Variants in PTPRD observed in about 807,000 individuals in gnomAD.
PTPRD encodes receptor-type tyrosine-protein phosphatase delta.
A neutral mutation model predicts 214.5 loss-of-function variants in PTPRD; 34 were observed. That is an observed-to-expected ratio of 0.16 (90% CI 0.12 to 0.21). The LOEUF (loss-of-function observed/expected upper bound fraction) is 0.21, where lower values mean the gene tolerates loss of function less well. PTPRD is among the 10% of genes least tolerant of loss of function. The pLI is 1.00. For missense variants in PTPRD, 2,545 were observed against 2,398.7 expected (o/e 1.06, Z -1.27); for synonymous variants, 1,128 against 845.7 (o/e 1.33, Z -5.79).
At chr9:8,534,167 C>T (rs2076360649) in intron 14 of PTPRD, among the ~76,000 whole-genome samples, 1 of 151,918 alleles carries the variant, frequency 6.6e-6, no homozygotes, top group African/African-American at 2.4e-5. Flanking sequence ...ACAATTTAGT[C>T]CTTGCTTCCT....
chr9:10,075,692 A>G (rs1174854645), intron 3 of PTPRD, among the ~76,000 whole-genome samples: 1 of 151,380 alleles, frequency 6.6e-6, no homozygotes, highest in Non-Finnish European at 1.5e-5. Flanking sequence ...GGGGAGGGGG[A>G]AAATTGGTTG....
At chr9:9,460,092 G>A (rs1324649549) in intron 8 of PTPRD, among the ~76,000 whole-genome samples, 1 of 151,940 alleles carries the variant, frequency 6.6e-6, no homozygotes, top group African/African-American at 2.4e-5. Context: ...TGAACAATGG[G>A]GAAAGGACAT....
intron 14 of PTPRD, among the ~76,000 whole-genome samples, chr9:8,599,322 A>G (rs1367500519): frequency 2.0e-5 from 3 of 152,156 alleles, no homozygotes; most frequent in South Asian, 4.1e-4. Flanking sequence ...GACTAAAACA[A>G]AAAGTAAAAA....
At chr9:8,729,762 C>T (rs982530611) in intron 12 of PTPRD, among the ~76,000 whole-genome samples, 1 of 152,238 alleles carries the variant, frequency 6.6e-6, no homozygotes, top group Non-Finnish European at 1.5e-5. Flanking sequence ...CAAAACCAGA[C>T]TATGGCTTCA....
At chr9:9,444,907 T>G (rs1420068148) in intron 8 of PTPRD, among the ~76,000 whole-genome samples, 3 of 152,214 alleles carry the variant, frequency 2.0e-5, no homozygotes, top group African/African-American at 7.2e-5. Flanking sequence ...CCCTACTTTC[T>G]GACCTATTTT....
chr9:9,833,338 GC>G (rs1260139633), intron 5 of PTPRD, among the ~76,000 whole-genome samples: 1 of 151,944 alleles, frequency 6.6e-6, no homozygotes, highest in Non-Finnish European at 1.5e-5. Flanking sequence ...ACAAAAACCA[GC>G]AAGTTTTTAT....
At chr9:10,039,363 C>T (rs1020975380) in intron 3 of PTPRD, among the ~76,000 whole-genome samples, 6 of 151,880 alleles carry the variant, frequency 4.0e-5, no homozygotes, top group Non-Finnish European at 7.4e-5. Flanking sequence ...TATTTGAATG[C>T]TATGTCAAAA....
At chr9:8,713,296 C>G (rs2098384033) in intron 12 of PTPRD, 2 of 716,260 alleles carry the variant, frequency 2.8e-6, no homozygotes, top group African/African-American at 1.7e-5. Context: ...TGGCGGCGAG[C>G]GCGGAGAGGA....
intron 2 of PTPRD, among the ~76,000 whole-genome samples, chr9:10,609,734 A>T (rs961332150): frequency 6.6e-5 from 10 of 152,112 alleles, no homozygotes; most frequent in Non-Finnish European, 1.3e-4. Context: ...CCAATATCAC[A>T]TCTAATTAGC....
chr9:8,361,927 G>C, intron 39 of PTPRD, among the ~76,000 whole-genome samples: 1 of 152,222 alleles, frequency 6.6e-6, no homozygotes, highest in East Asian at 1.9e-4. Flanking sequence ...TCTTCCAATA[G>C]CTAGGACTGG....
intron 7 of PTPRD, among the ~76,000 whole-genome samples, chr9:9,585,819 G>T (rs1209888118): frequency 6.6e-6 from 1 of 151,978 alleles, no homozygotes; most frequent in African/African-American, 2.4e-5. Flanking sequence ...GAGACTCAAA[G>T]GTAGGTAGGG....
chr9:8,999,229 G>T lies in PTPRD; in HGVS notation c.-104+19468C>A, dbSNP rs191628820. Among the ~76,000 whole-genome samples the T allele has an allele frequency of 2.1e-4, 32 of 152,110 alleles. No homozygotes were observed. In the East Asian group the frequency reaches 5.8e-3, roughly 28 times the overall value. On this transcript the variant is annotated intron_variant, in intron 11 of 45. Transcript: ENST00000381196. ...ATCAAACACCATCACACACAACAGAGAAATCTTTCATGAAAGGAAAAGTAA... is the reference window on the plus strand; with the variant it reads ...ATCAAACACCATCACACACAACAGATAAATCTTTCATGAAAGGAAAAGTAA...
intron 5 of PTPRD, among the ~76,000 whole-genome samples, chr9:9,804,162 T>A (rs1290474627): frequency 6.6e-6 from 1 of 152,134 alleles, no homozygotes; most frequent in African/African-American, 2.4e-5. Flanking sequence ...CTGCTATGTA[T>A]ACCCAGTCTC....
At chr9:9,149,049 A>G (rs1569553931) in intron 10 of PTPRD, among the ~76,000 whole-genome samples, 1 of 152,170 alleles carries the variant, frequency 6.6e-6, no homozygotes, top group Non-Finnish European at 1.5e-5. Context: ...TTCAGTTAGG[A>G]GACATGGAAA....
At chr9:9,983,672 C>T (rs916210100) in intron 4 of PTPRD, among the ~76,000 whole-genome samples, 3 of 152,222 alleles carry the variant, frequency 2.0e-5, no homozygotes, top group Non-Finnish European at 2.9e-5. Flanking sequence ...TACTTCAATT[C>T]TGTTTAAGTT....
intron 9 of PTPRD, among the ~76,000 whole-genome samples, chr9:9,246,170 C>T (rs2099972970): frequency 6.6e-6 from 1 of 152,016 alleles, no homozygotes; most frequent in Non-Finnish European, 1.5e-5. Flanking sequence ...CATTATTAGA[C>T]TCTAGCTCAT....
chr9:8,973,897 C>T (rs10816026), intron 11 of PTPRD, among the ~76,000 whole-genome samples: 78,075 of 151,752 alleles, frequency 0.51, 20,474 homozygotes, highest in East Asian at 0.76. Flanking sequence ...CTTTTGCCCA[C>T]TTTTAATAGG....
intron 6 of PTPRD, 128 bp from the exon 7 acceptor site, chr9:9,734,699 T>C (rs1038791243): frequency 6.6e-6 from 1 of 152,146 alleles, no homozygotes; most frequent in Non-Finnish European, 1.5e-5. Flanking sequence ...ATAAACACTT[T>C]AAGACATAAT....
intron 2 of PTPRD, among the ~76,000 whole-genome samples, chr9:10,608,283 G>T (rs890291571): frequency 6.6e-6 from 1 of 151,976 alleles, no homozygotes; most frequent in Non-Finnish European, 1.5e-5. Flanking sequence ...ATTGGGTACA[G>T]TAATAAAATC....
Sources: gnomAD v4.1 joint callset for allele counts (sites outside exome capture counted in the v4.1 genomes callset) on GRCh38, gnomAD v4.1.1 for gene constraint, MANE v1.5 for transcripts, NCBI Gene and HGNC (gene_info 2026-07-23, HGNC 2026-07-21) for gene names.